RSBN1L: variants seen among roughly 807,000 people sequenced by gnomAD.
The protein encoded by RSBN1L is lysine-specific demethylase RSBN1L.
In RSBN1L, 30 loss-of-function variants were observed where a neutral mutation model predicts 67.7. The observed-to-expected ratio is 0.44, with a 90% CI of 0.33 to 0.60. The LOEUF (loss-of-function observed/expected upper bound fraction) is 0.60, where lower values mean the gene tolerates loss of function less well. RSBN1L is among the 20% of genes least tolerant of loss of function. RSBN1L has a pLI of 0.02. For missense variants in RSBN1L, 992 were observed against 1,031.7 expected, an observed-to-expected ratio of 0.96 and a Z score of 0.53; for synonymous variants, 433 against 387.0, an observed-to-expected ratio of 1.12 and a Z score of -1.39.
intron 2 of RSBN1L, among the ~76,000 whole-genome samples, chr7:77,747,704 C>A (rs975325699): frequency 2.0e-5 from 3 of 152,244 alleles, no homozygotes; most frequent in Non-Finnish European, 4.4e-5. Context: ...CATGGAGAAC[C>A]TCTCTACTAG....
intron 1 of RSBN1L, among the ~76,000 whole-genome samples, chr7:77,713,874 A>G (rs1791010107): frequency 6.6e-6 from 1 of 152,164 alleles, no homozygotes; most frequent in South Asian, 2.1e-4. Flanking sequence ...TAAATAGCCT[A>G]TTGTTATTTT....
intron 2 of RSBN1L, among the ~76,000 whole-genome samples, chr7:77,744,261 G>A (rs948678231): frequency 2.0e-5 from 3 of 149,680 alleles, no homozygotes; most frequent in African/African-American, 4.9e-5. Context: ...GTCTGGAACT[G>A]CTGTGTGCAA....
intron 1 of RSBN1L, among the ~76,000 whole-genome samples, chr7:77,734,691 A>G (rs569284913): frequency 2.0e-5 from 3 of 152,134 alleles, no homozygotes; most frequent in African/African-American, 7.2e-5. Flanking sequence ...GTTTTGTCAC[A>G]TTGACCAGGC....
intron 1 of RSBN1L, among the ~76,000 whole-genome samples, chr7:77,733,898 G>T (rs535433917): frequency 4.6e-5 from 7 of 152,210 alleles, no homozygotes; most frequent in Non-Finnish European, 1.0e-4. Flanking sequence ...ATGCCAAGGC[G>T]TGCAGATCAC....
chr7:77,749,592 C>T lies in RSBN1L; in HGVS notation c.872C>T (p.Ala291Val), dbSNP rs768646283. ...TTGCTAACTGATGTTGAAGATCAAGCAGCCAAAGGCATCCTAAATGATAAC... is the reference window on the plus strand; with the variant it reads ...TTGCTAACTGATGTTGAAGATCAAGTAGCCAAAGGCATCCTAAATGATAAC... The part of the protein sequence containing the change: ...SGLLTDVEDQ[A>V]AKGILNDNIK... Residue 291 changes from alanine to valine, a missense_variant, in exon 3 of 8, where the codon GCA (alanine) becomes GTA (valine). Around this residue, in one of 7 missense-constraint regions of RSBN1L, gnomAD observed 575 missense variants for 483.2 expected, o/e 1.19. Transcript: ENST00000334955. 4 of 1,613,810 alleles carry T rather than the reference C, an allele frequency of 2.5e-6. No homozygotes were observed. The Admixed American group carries it at 6.7e-5, about 27-fold the overall frequency.
chr7:77,780,970 G>T lies in RSBN1L; in HGVS notation c.*1802G>T, dbSNP rs1791991008. ...GGTATTATTCTGGGCACATACTTTG[G>T]TTGATGACTTTCAATTGGGGTTCTT... On this transcript the variant is annotated 3_prime_UTR_variant, in exon 8 of 8. Transcript: ENST00000334955. 3 of 152,300 alleles carry T rather than the reference G, an allele frequency of 2.0e-5. No individual in the cohort carries two copies. The highest frequency in any genetic ancestry group is 6.5e-5 in the Admixed American group (1 of 15,298). 9.4% of individuals were successfully genotyped at this position (152,300 alleles called of 1,614,324 possible).
At chr7:77,750,384 G>C (rs1791542242) in intron 3 of RSBN1L, among the ~76,000 whole-genome samples, 1 of 124,110 alleles carries the variant, frequency 8.1e-6, no homozygotes, top group Non-Finnish European at 1.6e-5. Context: ...TCCTTAAATA[G>C]TTTTCTTACC....
At chr7:77,704,361 T>TC (rs1478377627) in intron 1 of RSBN1L, among the ~76,000 whole-genome samples, 1 of 152,250 alleles carries the variant, frequency 6.6e-6, no homozygotes, top group Non-Finnish European at 1.5e-5. Flanking sequence ...AAAATAATGA[T>TC]AAACTTAAAA....
chr7:77,710,000 C>T (rs1341273924), intron 1 of RSBN1L, among the ~76,000 whole-genome samples: 1 of 152,204 alleles, frequency 6.6e-6, no homozygotes, highest in African/African-American at 2.4e-5. Flanking sequence ...GTCTTGGAAA[C>T]TGGATTTGTA....
chr7:77,733,991 A>G (rs1037741671), intron 1 of RSBN1L, among the ~76,000 whole-genome samples: 8 of 152,184 alleles, frequency 5.3e-5, no homozygotes, highest in Non-Finnish European at 7.4e-5. Context: ...GCCGAGTGCG[A>G]TGGCGTGTGC....
chr7:77,726,974 G>T (rs1254356624), intron 1 of RSBN1L, among the ~76,000 whole-genome samples: 5 of 151,680 alleles, frequency 3.3e-5, no homozygotes, highest in Non-Finnish European at 7.4e-5. Context: ...ATAGGGATGG[G>T]GTTTCACCAT....
At chr7:77,737,486 G>C (rs1182363730) in intron 2 of RSBN1L, among the ~76,000 whole-genome samples, 1 of 152,138 alleles carries the variant, frequency 6.6e-6, no homozygotes, top group Non-Finnish European at 1.5e-5. Flanking sequence ...CATGTTTTCA[G>C]ATATTCGTTT....
At position 77,749,443 on chromosome 7, in the gene RSBN1L, A is replaced by G; in HGVS notation, c.723A>G (p.Lys241=). The change falls in exon 3 of 8, where the codon AAA becomes AAG. Residue 241 remains lysine (K), a synonymous_variant. Coordinates refer to ENST00000334955, the MANE Select transcript of RSBN1L (RefSeq NM_198467.3). ...ILLKSGKEKP[K]TNIEDLQIKK... is the part of the protein sequence containing the mutation. ...CAACAGGTGGGAAGGAGAAACCAAA[A>G]ACAAATATAGAAGACTTACAAATTA... The G allele has an allele frequency of 6.4e-7, 1 of 1,561,960 alleles. No individual in the cohort carries two copies. The highest frequency in any genetic ancestry group is 1.2e-5 in the South Asian group (1 of 82,302).
chr7:77,714,790 G>A (rs529350854), intron 1 of RSBN1L, among the ~76,000 whole-genome samples: 2 of 151,850 alleles, frequency 1.3e-5, no homozygotes, highest in Admixed American at 6.6e-5. Context: ...GTGAAACCCC[G>A]TTTCTACTAA....
chr7:77,767,704 C>A (rs1031660947), intron 4 of RSBN1L, among the ~76,000 whole-genome samples: 1 of 146,008 alleles, frequency 6.8e-6, no homozygotes, highest in Non-Finnish European at 1.5e-5. Context: ...TCCCCTTCCC[C>A]TTCACCTCTG....
rs571899522 is a variant in RSBN1L at position 77,711,081 on chromosome 7, A to G, written c.586+14026A>G. 1.4e-4 allele frequency among the ~76,000 whole-genome samples: 21 copies of G among 152,282 alleles called. No individual in the cohort carries two copies. The East Asian group carries it at 4.1e-3, about 29-fold the overall frequency. ...GAAGAGATGCCCGATTATCATTTAG[A>G]AAAACAATTGGCTGGTATTTCAAAC... On this transcript the variant is annotated intron_variant, in intron 1 of 7. Coordinates refer to ENST00000334955, the MANE Select transcript of RSBN1L (RefSeq NM_198467.3).
chr7:77,756,506 G>T (rs1791619127), intron 3 of RSBN1L, among the ~76,000 whole-genome samples: 1 of 152,122 alleles, frequency 6.6e-6, no homozygotes, highest in Non-Finnish European at 1.5e-5. Context: ...GCTGGGTGTG[G>T]TGGCTCATGC....
At chr7:77,709,243 A>G (rs1303440755) in intron 1 of RSBN1L, among the ~76,000 whole-genome samples, 1 of 148,436 alleles carries the variant, frequency 6.7e-6, no homozygotes, top group East Asian at 2.0e-4. Flanking sequence ...TGTGGAGGGG[A>G]CCCTTTTAGA....
chr7:77,696,685 G>A lies in RSBN1L; in HGVS notation c.216G>A (p.Pro72=). 1 of 1,612,604 alleles carries A rather than the reference G, an allele frequency of 6.2e-7. No individual in the cohort carries two copies. The highest frequency in any genetic ancestry group is 8.5e-7 in the Non-Finnish European group (1 of 1,179,298). The change falls in exon 1 of 8, where the codon CCG becomes CCA. Residue 72 remains proline, a synonymous_variant. Transcript: ENST00000334955. ...GGAACAGCAGGCAGCTGCAGCCGCC[G>A]GCAGCACCTTCGCCTCAGAGCTATG... ...SGGNSRQLQP[P]AAPSPQSYGS...
Sources: allele counts gnomAD v4.1 joint callset (sites outside exome capture counted in the v4.1 genomes callset), GRCh38; gene constraint gnomAD v4.1.1; regional missense constraint gnomAD v4.1.1; transcripts MANE v1.5; gene names NCBI Gene and HGNC (gene_info 2026-07-23, HGNC 2026-07-21).